The following B3GLCT variants were observed in gnomAD, a reference collection of about 807,000 sequenced individuals.
The protein encoded by B3GLCT is beta 3-glucosyltransferase, also known as beta-1,3-glucosyltransferase.
In B3GLCT, 65 loss-of-function variants were observed where a neutral mutation model predicts 63.4. The ratio of observed to expected loss-of-function variants is 1.03; its 90% CI spans 0.84 to 1.26. The LOEUF is 1.26. Among genes scored for constraint, B3GLCT ranks in the 50% most tolerant of loss-of-function variants. The probability of loss-of-function intolerance (pLI) is 0.00; values close to 1 mark genes in which losing one functional copy is unlikely to be tolerated. For synonymous variants in B3GLCT, 233 were observed against 219.2 expected (o/e 1.06, Z -0.55); for missense variants, 577 against 604.8 (o/e 0.95, Z 0.48).
Position 31,315,981 on chromosome 13 carries a change from G to T in B3GLCT, c.1065-1585G>T, listed in dbSNP as rs1380033749. 3.9e-5 allele frequency among the ~76,000 whole-genome samples: 6 copies of T among 152,326 alleles called. No individual in the cohort carries two copies. In the East Asian group the frequency reaches 7.7e-4, roughly 20 times the overall value. On this transcript the variant is annotated intron_variant, in intron 12 of 14. Transcript: ENST00000343307. The stretch of plus-strand genomic sequence containing the variant: ...CTTCCATGTAGTGTTGGGCCTGCAG[G>T]TACACAGAAGACAAGAGTTGAGGTT...
chr13:31,310,556 T>C lies in B3GLCT; in HGVS notation c.1065-7010T>C, dbSNP rs535074245. Among the ~76,000 whole-genome samples the C allele has an allele frequency of 2.6e-5, 4 of 152,274 alleles. No homozygotes were observed. In the South Asian group the frequency reaches 8.3e-4, roughly 32 times the overall value. ...CTGTAATCCTCCCACCCTTTGCTGG[T>C]GCTGGGCAGCTGCCCCACATTATGG... On this transcript the variant is annotated intron_variant, in intron 12 of 14. Transcript: ENST00000343307.
intron 6 of B3GLCT, among the ~76,000 whole-genome samples, chr13:31,258,793 G>T (rs191898954): frequency 6.6e-6 from 1 of 152,234 alleles, no homozygotes; most frequent in East Asian, 1.9e-4. Flanking sequence ...TGTTCTCACC[G>T]GAGTTTATAG....
intron 7 of B3GLCT, among the ~76,000 whole-genome samples, chr13:31,266,377 A>G (rs1872324956): frequency 6.6e-6 from 1 of 152,224 alleles, no homozygotes; most frequent in African/African-American, 2.4e-5. Flanking sequence ...CGTGTTTTCC[A>G]GGAACTGAAT....
chr13:31,214,031 G>C (rs1361100408), intron 1 of B3GLCT, among the ~76,000 whole-genome samples: 1 of 152,184 alleles, frequency 6.6e-6, no homozygotes, highest in Non-Finnish European at 1.5e-5. Flanking sequence ...GGATGTCTGG[G>C]GGTGGGGATG....
intron 1 of B3GLCT, among the ~76,000 whole-genome samples, chr13:31,200,943 CTTT>C (rs1285842570): frequency 1.3e-5 from 2 of 150,454 alleles, no homozygotes; most frequent in Non-Finnish European, 3.0e-5. Context: ...AATGCCCATT[CTTT>C]TTTATTTCTT....
chr13:31,208,660 A>G (rs181480357), intron 1 of B3GLCT, among the ~76,000 whole-genome samples: 102 of 118,878 alleles, frequency 8.6e-4, no homozygotes, highest in Middle Eastern at 8.8e-3. Context: ...TGAGGCCCTT[A>G]GCGCTCTTTG....
chr13:31,219,222 A>G (rs1217814413), intron 2 of B3GLCT, among the ~76,000 whole-genome samples: 1 of 152,202 alleles, frequency 6.6e-6, no homozygotes, highest in Non-Finnish European at 1.5e-5. Flanking sequence ...AACCAAATTC[A>G]GCAGCACATC....
chr13:31,295,351 A>T (rs1873880106), intron 12 of B3GLCT, among the ~76,000 whole-genome samples: 1 of 152,182 alleles, frequency 6.6e-6, no homozygotes, highest in Admixed American at 6.5e-5. Context: ...CTGTGCTGGG[A>T]GATCCACTGC....
intron 8 of B3GLCT, among the ~76,000 whole-genome samples, chr13:31,274,306 T>C (rs1404782170): frequency 1.3e-5 from 2 of 152,252 alleles, no homozygotes; most frequent in Admixed American, 1.3e-4. Context: ...TAATTGCTTA[T>C]TGTTAGTAAT....
chr13:31,222,264 C>T (rs1324321105), intron 2 of B3GLCT, among the ~76,000 whole-genome samples: 3 of 151,878 alleles, frequency 2.0e-5, no homozygotes, highest in East Asian at 1.9e-4. Flanking sequence ...TTTTTAGTAG[C>T]GGTGGGGTTT....
chr13:31,315,137 G>A (rs1415300117), intron 12 of B3GLCT, among the ~76,000 whole-genome samples: 1 of 152,172 alleles, frequency 6.6e-6, no homozygotes, highest in Non-Finnish European at 1.5e-5. Context: ...ATGGACTAAT[G>A]CATTACATTG....
intron 4 of B3GLCT, among the ~76,000 whole-genome samples, chr13:31,234,910 C>T (rs747980689): frequency 2.6e-5 from 4 of 152,098 alleles, no homozygotes; most frequent in Non-Finnish European, 5.9e-5. Context: ...AAAACCATCC[C>T]CTGGTGGCCT....
At chr13:31,326,108 G>A (rs7334101) in intron 14 of B3GLCT, among the ~76,000 whole-genome samples, 116,254 of 151,836 alleles carry the variant, frequency 0.77, 44,920 homozygotes, top group East Asian at 0.99. Context: ...TTAGACCACC[G>A]TTATGGTGGG....
chr13:31,290,362 C>A (rs1323293029), intron 12 of B3GLCT, among the ~76,000 whole-genome samples: 1 of 152,126 alleles, frequency 6.6e-6, no homozygotes, highest in African/African-American at 2.4e-5. Flanking sequence ...GACTTATAAT[C>A]CTTTGGATAT....
chr13:31,313,863 G>A (rs1253658784), intron 12 of B3GLCT, among the ~76,000 whole-genome samples: 1 of 152,134 alleles, frequency 6.6e-6, no homozygotes, highest in Non-Finnish European at 1.5e-5. Context: ...GGAGGAAAAA[G>A]TGGTTTGTTT....
At chr13:31,265,813 G>A (rs1016270259) in intron 7 of B3GLCT, among the ~76,000 whole-genome samples, 1 of 152,126 alleles carries the variant, frequency 6.6e-6, no homozygotes, top group Non-Finnish European at 1.5e-5. Flanking sequence ...ATTCACAAGT[G>A]GGACTGAAAA....
intron 4 of B3GLCT, among the ~76,000 whole-genome samples, chr13:31,246,047 C>T (rs1871182404): frequency 6.6e-6 from 1 of 152,136 alleles, no homozygotes; most frequent in African/African-American, 2.4e-5. Flanking sequence ...AGACTATTCT[C>T]TTCTTAAATA....
At chr13:31,283,671 T>A (rs1343664296) in intron 10 of B3GLCT, among the ~76,000 whole-genome samples, 1 of 152,136 alleles carries the variant, frequency 6.6e-6, no homozygotes, top group East Asian at 1.9e-4. Flanking sequence ...AAGGGCTGTC[T>A]GAGCTGGACT....
intron 12 of B3GLCT, among the ~76,000 whole-genome samples, chr13:31,299,595 G>A (rs2137904654): frequency 6.6e-6 from 1 of 152,206 alleles, no homozygotes; most frequent in Middle Eastern, 3.4e-3. Flanking sequence ...TTTTTCTGGT[G>A]GAGAGAACAG....
Sources: gnomAD v4.1 joint callset for allele counts (sites outside exome capture counted in the v4.1 genomes callset) on GRCh38, gnomAD v4.1.1 for gene constraint, MANE v1.5 for transcripts, NCBI Gene and HGNC (gene_info 2026-07-23, HGNC 2026-07-21) for gene names.